Variants in MCPH1 observed in about 807,000 individuals in gnomAD.
MCPH1 encodes microcephalin.
In MCPH1, 104 loss-of-function variants were observed where a neutral mutation model predicts 84.5. The ratio of observed to expected loss-of-function variants is 1.23; its 90% CI spans 1.05 to 1.45. The LOEUF (loss-of-function observed/expected upper bound fraction) is 1.45, where lower values mean the gene tolerates loss of function less well. Among genes scored for constraint, MCPH1 ranks in the 40% most tolerant of loss-of-function variants. MCPH1 has a pLI of 0.00. For synonymous variants in MCPH1, 514 were observed against 366.8 expected (o/e 1.40, Z -4.58); for missense variants, 1,498 against 1,005.7 (o/e 1.49, Z -6.62).
At chr8:6,538,749 G>A (rs1026471966) in intron 12 of MCPH1, among the ~76,000 whole-genome samples, 4 of 152,168 alleles carry the variant, frequency 2.6e-5, no homozygotes, top group African/African-American at 9.7e-5. Flanking sequence ...CAGACAATAG[G>A]TTAATGTTCT....
intron 13 of MCPH1, among the ~76,000 whole-genome samples, chr8:6,637,380 T>C (rs181180440): frequency 2.0e-5 from 3 of 152,310 alleles, no homozygotes; most frequent in Admixed American, 2.0e-4. Context: ...GGATGGACTC[T>C]TGTAGGTCTA....
At chr8:6,601,522 G>GACAC (rs144757663) in intron 12 of MCPH1, among the ~76,000 whole-genome samples, 2,786 of 143,624 alleles carry the variant, frequency 0.019, 41 homozygotes, top group African/African-American at 0.023. Flanking sequence ...CATCATATGG[G>GACAC]ACACACACAC....
chr8:6,565,673 C>G (rs1469383559), intron 12 of MCPH1, among the ~76,000 whole-genome samples: 1 of 152,200 alleles, frequency 6.6e-6, no homozygotes, highest in African/African-American at 2.4e-5. Flanking sequence ...AGCCTTGTGT[C>G]AGACACCATG....
intron 13 of MCPH1, among the ~76,000 whole-genome samples, chr8:6,630,899 T>A (rs568465712): frequency 1.3e-3 from 195 of 151,466 alleles, no homozygotes; most frequent in African/African-American, 4.5e-3. Flanking sequence ...CACCAGCCAC[T>A]AAAAAGGCAC....
chr8:6,614,317 C>T (rs1374753150), intron 12 of MCPH1, among the ~76,000 whole-genome samples: 1 of 152,200 alleles, frequency 6.6e-6, no homozygotes, highest in African/African-American at 2.4e-5. Flanking sequence ...CAGATGCCTG[C>T]CTCCTCCCAT....
At chr8:6,500,265 G>GAACT in intron 12 of MCPH1, 1 of 315,752 alleles carries the variant, frequency 3.2e-6, no homozygotes, top group Non-Finnish European at 6.1e-6. Context: ...AATAGAAATA[G>GAACT]AACTGATAGG....
intron 12 of MCPH1, among the ~76,000 whole-genome samples, chr8:6,603,316 A>G (rs1308470246): frequency 6.6e-6 from 1 of 152,110 alleles, no homozygotes; most frequent in Non-Finnish European, 1.5e-5. Context: ...GTGGAATGGC[A>G]ATGGAATGCA....
chr8:6,497,955 C>G (rs1005363300), intron 11 of MCPH1, among the ~76,000 whole-genome samples: 3 of 152,142 alleles, frequency 2.0e-5, no homozygotes, highest in African/African-American at 4.8e-5. Flanking sequence ...TCAAAGAACT[C>G]TCAATGCTCT....
intron 6 of MCPH1, among the ~76,000 whole-genome samples, chr8:6,441,567 A>G (rs1057318396): frequency 1.1e-4 from 17 of 152,220 alleles, no homozygotes; most frequent in African/African-American, 3.4e-4. Context: ...AGTGTTTTCT[A>G]TGAAACCTCT....
chr8:6,537,154 T>C (rs1459652977), intron 12 of MCPH1, among the ~76,000 whole-genome samples: 1 of 152,144 alleles, frequency 6.6e-6, no homozygotes, highest in Non-Finnish European at 1.5e-5. Context: ...CAATTTCACA[T>C]GCATAGCATG....
intron 4 of MCPH1, among the ~76,000 whole-genome samples, chr8:6,435,140 T>G (rs1472906504): frequency 6.6e-6 from 1 of 152,146 alleles, no homozygotes; most frequent in African/African-American, 2.4e-5. Context: ...ACTGGCTGAT[T>G]GGAGTTACTG....
rs151072624 is a variant in MCPH1, at chr8:6,429,127, C to T, written c.234-2372C>T. ...TGTACATGATACATTTTGGTTAAAT[C>T]GGTAGTTTATGTTTACATCATTATG... On this transcript the variant is annotated intron_variant, in intron 3 of 13. Transcript: ENST00000344683. Among the ~76,000 whole-genome samples, 1,291 of 152,254 alleles carry T rather than the reference C, an allele frequency of 8.5e-3. 63 individuals are homozygous for T. The highest frequency in any genetic ancestry group is 0.074 in the Admixed American group (1,133 of 15,276).
intron 12 of MCPH1, among the ~76,000 whole-genome samples, chr8:6,506,559 G>A (rs996358855): frequency 1.3e-5 from 2 of 152,182 alleles, no homozygotes; most frequent in African/African-American, 4.8e-5. Context: ...GTGGGGAAAT[G>A]GTAGACAGGA....
At chr8:6,494,578 T>A (rs996384529) in intron 11 of MCPH1, 3 of 152,184 alleles carry the variant, frequency 2.0e-5, no homozygotes, top group African/African-American at 7.2e-5. Context: ...TTGACGCTGA[T>A]CACTAGCCTT....
At chr8:6,615,505 TG>T (rs1335931194) in intron 12 of MCPH1, 3 of 152,196 alleles carry the variant, frequency 2.0e-5, no homozygotes, top group African/African-American at 7.2e-5. Context: ...AGCCCTGAGT[TG>T]GGGGCAGGAG....
intron 13 of MCPH1, chr8:6,635,324 G>A (rs1055241528): frequency 4.6e-5 from 7 of 152,290 alleles, no homozygotes; most frequent in African/African-American, 1.7e-4. Context: ...TGGACAGCGT[G>A]GAGCTCAGGT....
intron 12 of MCPH1, chr8:6,503,082 C>A (rs1376578415): frequency 6.2e-7 from 1 of 1,613,988 alleles, no homozygotes; most frequent in South Asian, 1.1e-5. Context: ...GAGACAGTTC[C>A]TCAGGTGGAC....
intron 8 of MCPH1, among the ~76,000 whole-genome samples, chr8:6,453,455 G>C (rs1401334846): frequency 6.7e-6 from 1 of 149,828 alleles, no homozygotes; most frequent in East Asian, 2.0e-4. Flanking sequence ...GCATTTCTTA[G>C]AACTTTATGT....
rs1238440929 is a variant in MCPH1, at chr8:6,455,037, C to G, written c.1826-106C>G. 3 of 848,168 alleles carry G rather than the reference C, an allele frequency of 3.5e-6. No homozygotes were observed. In the African/African-American group the frequency reaches 5.0e-5, roughly 14 times the overall value. 52.5% of individuals were successfully genotyped at this position (848,168 alleles called of 1,614,324 possible). A position where few individuals can be genotyped will look rare whatever the true frequency, so the allele number is the denominator to read the frequency against. ...GATATATACAATTTATTTAAAAGGC[C>G]TATAACTTCCTGTTTCCATTATGCA... On this transcript the variant is annotated intron_variant, in intron 8 of 13. Coordinates refer to ENST00000344683, the MANE Select transcript of MCPH1 (RefSeq NM_024596.5).
Sources: allele counts gnomAD v4.1 joint callset (sites outside exome capture counted in the v4.1 genomes callset), GRCh38; gene constraint gnomAD v4.1.1; transcripts MANE v1.5; gene names NCBI Gene and HGNC (gene_info 2026-07-23, HGNC 2026-07-21).